The following MUC3A variants were observed in gnomAD, a reference collection of about 807,000 sequenced individuals.
MUC3A encodes mucin-3A.
Under a neutral mutation model 109.0 loss-of-function variants are expected in MUC3A, and 109 were observed. The observed-to-expected ratio is 1.00, with a 90% CI of 0.86 to 1.17. MUC3A has a LOEUF of 1.17. Ranked by LOEUF, MUC3A falls within the 50% of genes most tolerant of loss-of-function variation. The pLI is 0.00. For synonymous variants in MUC3A, 1,398 were observed against 981.4 expected (o/e 1.42, Z -7.93); for missense variants, 3,537 against 2,469.4 (o/e 1.43, Z -9.16).
Position 100,965,690 on chromosome 7 carries a change from T to G in MUC3A, c.9449-14T>G. The G allele has an allele frequency of 6.3e-7, 1 of 1,593,952 alleles. No individual in the cohort carries two copies. The highest frequency in any genetic ancestry group is 8.5e-7 in the Non-Finnish European group (1 of 1,177,056). On this transcript the variant is annotated splice_polypyrimidine_tract_variant and intron_variant, in intron 7 of 11. Transcript: ENST00000379458. Reference sequence around the variant, plus strand: ...AGGTCCTTGTCTCTGTGCATCCCCCTCCCCAACCCCCAGCCATCTGCCGCC... The same window carrying G: ...AGGTCCTTGTCTCTGTGCATCCCCCGCCCCAACCCCCAGCCATCTGCCGCC...
At chr7:100,964,634 G>GC in intron 5 of MUC3A, 61 bp from the exon 6 acceptor site, 1 of 1,546,718 alleles carries the variant, frequency 6.5e-7, no homozygotes. Context: ...TTCTGGAGGT[G>GC]CCCCTCCAAG....
Position 100,952,293 on chromosome 7 carries a change from A to G in MUC3A, c.514A>G (p.Ser172Gly). ...ACAGAAGCCAGTGACCACCGTCACC[A>G]GTACTTACTCTATGACCACTACTGA... Reference protein sequence around the residue: ...VTQKPVTTVTSTYSMTTTEKG... With the variant: ...VTQKPVTTVTGTYSMTTTEKG... The change falls in exon 2 of 12, where the codon AGT (serine) becomes GGT (glycine). Residue 172 changes from serine to glycine, a missense_variant. By Grantham distance (56) the Ser-to-Gly change is moderately conservative. Coordinates refer to ENST00000379458, the MANE Select transcript of MUC3A (RefSeq NM_005960.2). The G allele has an allele frequency of 6.3e-7, 1 of 1,598,536 alleles. No homozygotes were observed. The highest frequency in any genetic ancestry group is 8.5e-7 in the Non-Finnish European group (1 of 1,179,780).
At chr7:100,966,297 G>A in intron 8 of MUC3A, 89 bp from the exon 9 acceptor site, 1 of 1,088,646 alleles carries the variant, frequency 9.2e-7, no homozygotes, top group African/African-American at 3.4e-5. Context: ...CTGGAGCCCC[G>A]CCCCCTCACC....
Position 100,959,640 on chromosome 7 carries a change from A to C in MUC3A, c.7861A>C (p.Ser2621Arg), listed in dbSNP as rs890912060. Reference sequence around the variant, plus strand: ...TACTCTTACTCCATCAACAGCCTTGAGCACGATCGTGTCAACATCACAGGT... The same window carrying C: ...TACTCTTACTCCATCAACAGCCTTGCGCACGATCGTGTCAACATCACAGGT... Reference protein sequence around the residue: ...LHTLTPSTALSTIVSTSQVPI... With the variant: ...LHTLTPSTALRTIVSTSQVPI... The change falls in exon 2 of 12, where the codon AGC becomes CGC. Residue 2621 changes from serine (S) to arginine (R), a missense_variant. Physicochemically the swap from Ser to Arg is moderately radical, Grantham distance 110. Transcript: ENST00000379458. The C allele has an allele frequency of 6.3e-7, 1 of 1,598,528 alleles. No individual in the cohort carries two copies.
chr7:100,960,608 T>C lies in MUC3A; in HGVS notation c.8829T>C (p.Ser2943=), dbSNP rs1350758127. 1.3e-6 allele frequency: 2 copies of C among 1,598,632 alleles called. No individual in the cohort carries two copies. Among genetic ancestry groups the C allele is most frequent in the Non-Finnish European group, 1.7e-6 (2 of 1,179,750 alleles). Reference sequence around the variant, plus strand: ...CACGCAGGACAACTCGCATCACTTCTCAGATGACCACACAGTCCACGTTGA... The same window carrying C: ...CACGCAGGACAACTCGCATCACTTCCCAGATGACCACACAGTCCACGTTGA... ...LTSRRTTRIT[S]QMTTQSTLTT... is the part of the protein sequence containing the mutation. The change falls in exon 2 of 12, where the codon TCT becomes TCC. Residue 2943 remains serine (S), a synonymous_variant. Transcript: ENST00000379458.
At chr7:100,963,538 T>A (rs1272831651) in intron 4 of MUC3A, 150 bp from the exon 5 acceptor site, 2 of 1,235,566 alleles carry the variant, frequency 1.6e-6, no homozygotes, top group Non-Finnish European at 2.3e-6. Flanking sequence ...ACCTGCCTCG[T>A]CCTCCCAAAG....
Position 100,959,559 on chromosome 7 carries a change from C to A in MUC3A, c.7780C>A (p.Pro2594Thr). Reference sequence around the variant, plus strand: ...GTCAGCCACTGGGACCCAAACATCTCCTGCACCTACTACTGTCACCTTTGG... The same window carrying A: ...GTCAGCCACTGGGACCCAAACATCTACTGCACCTACTACTGTCACCTTTGG... ...LTSATGTQTSPAPTTVTFGST... is the reference protein window; with the variant it reads ...LTSATGTQTSTAPTTVTFGST... Residue 2594 changes from proline to threonine, a missense_variant, in exon 2 of 12, where the codon CCT (proline) becomes ACT (threonine). By Grantham distance (38) the Pro-to-Thr change is conservative. Coordinates refer to ENST00000379458, the MANE Select transcript of MUC3A (RefSeq NM_005960.2). 1 of 1,592,944 alleles carries A rather than the reference C, an allele frequency of 6.3e-7. No individual in the cohort carries two copies. The highest frequency in any genetic ancestry group is 8.5e-7 in the Non-Finnish European group (1 of 1,177,064).
chr7:100,959,450 T>G lies in MUC3A; in HGVS notation c.7671T>G (p.Ile2557Met). 1 of 1,558,352 alleles carries G rather than the reference T, an allele frequency of 6.4e-7. No individual in the cohort carries two copies. Among genetic ancestry groups the G allele is most frequent in the Non-Finnish European group, 8.6e-7 (1 of 1,163,052 alleles). Residue 2557 changes from isoleucine to methionine, a missense_variant, in exon 2 of 12, where the codon ATT (isoleucine) becomes ATG (methionine). By Grantham distance (10) the Ile-to-Met change is conservative. Transcript: ENST00000379458. ...CCACTGTGAGAATGACCCTCAGAAT[T>G]ACTGAGAACACCCCAATCAGTTCCT... Reference protein sequence around the residue: ...TMSTVRMTLRITENTPISSFS... With the variant: ...TMSTVRMTLRMTENTPISSFS...
chr7:100,964,881 T>G (rs1269433758), intron 6 of MUC3A, 38 bp downstream of exon 6: 3 of 1,570,894 alleles, frequency 1.9e-6, no homozygotes, highest in Non-Finnish European at 2.6e-6. Context: ...GGGCCTGAGG[T>G]GTCACCCCAG....
intron 8 of MUC3A, 62 bp downstream of exon 8, chr7:100,965,928 C>A: frequency 6.5e-7 from 1 of 1,531,094 alleles, no homozygotes; most frequent in Non-Finnish European, 8.7e-7. Context: ...GGATGAAGCC[C>A]TGCCCCATGC....
intron 3 of MUC3A, 92 bp downstream of exon 3, chr7:100,961,029 C>T (rs1163262127): frequency 6.3e-7 from 1 of 1,583,404 alleles, no homozygotes; most frequent in East Asian, 2.2e-5. Flanking sequence ...CTGGAGGCAC[C>T]CATGCCTTTT....
intron 8 of MUC3A, 103 bp from the exon 9 acceptor site, chr7:100,966,283 T>C: frequency 8.6e-7 from 1 of 1,158,170 alleles, no homozygotes; most frequent in Non-Finnish European, 1.1e-6. Flanking sequence ...CCCGCTGCCC[T>C]AGGCTGGAGC....
In MUC3A at chr7:100,951,853, C is replaced by A. The variant is rs372411935; in HGVS notation, c.74C>A (p.Thr25Lys). The A allele has an allele frequency of 1.3e-6, 2 of 1,596,118 alleles. No individual in the cohort carries two copies. Among genetic ancestry groups the A allele is most frequent in the Non-Finnish European group, 1.7e-6 (2 of 1,177,584 alleles). The stretch of plus-strand genomic sequence containing the variant: ...GCCGCCAATGCAGGAACTTTATCCA[C>A]GGCCACATCCATCTCTCAAGTGCCT... ...ASPWATGTLS[T>K]ATSISQVPFP... is the part of the protein sequence containing the mutation. Residue 25 changes from threonine to lysine, a missense_variant, in exon 2 of 12, where the codon ACG becomes AAG. Transcript: ENST00000379458.
rs777451089 is a variant in MUC3A, at chr7:100,959,574, G to T, written c.7795G>T (p.Val2599Phe). The change falls in exon 2 of 12, where the codon GTC becomes TTC. Residue 2599 changes from valine (V) to phenylalanine (F), a missense_variant. Transcript: ENST00000379458. Reference protein sequence around the residue: ...GTQTSPAPTTVTFGSTDSSTS... With the variant: ...GTQTSPAPTTFTFGSTDSSTS... ...CCAAACATCTCCTGCACCTACTACT[G>T]TCACCTTTGGAAGTACGGATTCCTC... 1 of 1,595,342 alleles carries T rather than the reference G, an allele frequency of 6.3e-7. No homozygotes were observed. Among genetic ancestry groups the T allele is most frequent in the South Asian group, 1.1e-5 (1 of 90,448 alleles).
chr7:100,966,006 C>G (rs1161741641), intron 8 of MUC3A, 140 bp downstream of exon 8: 17 of 1,349,368 alleles, frequency 1.3e-5, no homozygotes, highest in Non-Finnish European at 1.6e-5. Flanking sequence ...CCAAGCCCAT[C>G]CCCGTTGCCC....
chr7:100,960,996 C>T (rs892474840), intron 3 of MUC3A, 59 bp downstream of exon 3: 1 of 1,596,776 alleles, frequency 6.3e-7, no homozygotes, highest in Non-Finnish European at 8.5e-7. Flanking sequence ...CTGACTCTCC[C>T]CAGACTTATC....
At chr7:100,960,980 G>A in intron 3 of MUC3A, 43 bp downstream of exon 3, 2 of 1,598,340 alleles carry the variant, frequency 1.3e-6, no homozygotes, top group South Asian at 2.2e-5. Flanking sequence ...CTCCCACAGG[G>A]TGTCACTGAC....
At position 100,967,864 on chromosome 7, in the gene MUC3A, C is replaced by G. The variant is rs879181843; in HGVS notation, c.*702C>G. The G allele has an allele frequency of 0.83, 124,542 of 150,318 alleles. 49,689 individuals are homozygous for G. The highest frequency in any genetic ancestry group is 1 in the East Asian group (5,147 of 5,164). The allele number at this position is 150,318 out of a possible 1,614,324, so 9.3% of individuals were successfully genotyped here. ...TAGGATACCCAGGTGCTGTTCTCCC[C>G]GTCACCCCGTTGCCCAGTTCCCCGT... On this transcript the variant is annotated 3_prime_UTR_variant, in exon 12 of 12. Transcript: ENST00000379458.
chr7:100,964,901 G>A, intron 6 of MUC3A, 58 bp downstream of exon 6: 1 of 1,537,144 alleles, frequency 6.5e-7, no homozygotes. Context: ...GCCCACTCCA[G>A]CTCAGCCAGG....
Sources: allele counts gnomAD v4.1 joint callset, GRCh38; gene constraint gnomAD v4.1.1; transcripts MANE v1.5; gene names NCBI Gene and HGNC (gene_info 2026-07-23, HGNC 2026-07-21).